Variants in SUFU observed in about 807,000 individuals in gnomAD.
SUFU encodes suppressor of fused homolog.
In SUFU, 7 loss-of-function variants were observed where a neutral mutation model predicts 58.9. That is an observed-to-expected ratio of 0.12 (90% CI 0.07 to 0.22). SUFU has a LOEUF of 0.22. Ranked by LOEUF, SUFU falls within the 10% of genes least tolerant of loss-of-function variation. SUFU has a pLI of 1.00. For synonymous variants in SUFU, 232 were observed against 254.8 expected, an observed-to-expected ratio of 0.91 and a Z score of 0.85; for missense variants, 451 against 641.3, an observed-to-expected ratio of 0.70 and a Z score of 3.20.
rs760281725 is a variant in SUFU at position 102,617,497 on chromosome 10, C to T, written c.1296+69C>T. On this transcript the variant is annotated intron_variant, in intron 10 of 11. Coordinates refer to ENST00000369902, the MANE Select transcript of SUFU (RefSeq NM_016169.4). The surrounding 1 kb of genome is among the most constrained non-coding windows in gnomAD (Gnocchi z 4.4). Reference sequence around the variant, plus strand: ...TCCTTGCCCACCCCTCCTCTTCTCCCTTGGCAGCTCTTGATGGCACCCCTT... The same window carrying T: ...TCCTTGCCCACCCCTCCTCTTCTCCTTTGGCAGCTCTTGATGGCACCCCTT... 1.9e-6 allele frequency: 3 copies of T among 1,606,856 alleles called. No individual in the cohort carries two copies. Among genetic ancestry groups the T allele is most frequent in the African/African-American group, 2.7e-5 (2 of 74,670 alleles).
chr10:102,606,896 G>A (rs1180737872), intron 8 of SUFU, among the ~76,000 whole-genome samples: 1 of 152,164 alleles, frequency 6.6e-6, no homozygotes, highest in Non-Finnish European at 1.5e-5. Flanking sequence ...ATGGGAGAGT[G>A]ATCCCAGATG....
chr10:102,565,935 G>T (rs2063084738), intron 3 of SUFU, among the ~76,000 whole-genome samples: 1 of 152,214 alleles, frequency 6.6e-6, no homozygotes, highest in Non-Finnish European at 1.5e-5. Flanking sequence ...AGTTTTAATT[G>T]GTTGGCTCTT....
intron 2 of SUFU, among the ~76,000 whole-genome samples, chr10:102,533,783 G>A (rs1398527928): frequency 1.3e-5 from 2 of 152,236 alleles, no homozygotes; most frequent in African/African-American, 4.8e-5. Context: ...GTAATTCACT[G>A]TAAGATCATC....
chr10:102,549,762 G>A (rs1304472763), intron 2 of SUFU, among the ~76,000 whole-genome samples: 3 of 152,102 alleles, frequency 2.0e-5, no homozygotes, highest in Non-Finnish European at 2.9e-5. Flanking sequence ...CCACATACCC[G>A]CAGCTGGCAG....
intron 11 of SUFU, 132 bp downstream of exon 11, chr10:102,627,375 G>A: frequency 1.1e-6 from 1 of 888,736 alleles, no homozygotes; most frequent in Non-Finnish European, 1.9e-6. Flanking sequence ...TATCTGTGTG[G>A]CTGCATCTGT....
Position 102,630,269 on chromosome 10 carries a change from A to C in SUFU, c.*114A>C. 2.1e-6 allele frequency: 2 copies of C among 969,318 alleles called. No homozygotes were observed. The highest frequency in any genetic ancestry group is 3.2e-6 in the Non-Finnish European group (2 of 620,170). The allele number at this position is 969,318 out of a possible 1,614,324, so 60.0% of individuals were successfully genotyped here. A position where few individuals can be genotyped will look rare whatever the true frequency, so the allele number is the denominator to read the frequency against. ...AAATAAAAGGACAAGTGTGAGGAAG[A>C]CTGCGCAGTGCCACCCCGCAGCCCA... On this transcript the variant is annotated 3_prime_UTR_variant, in exon 12 of 12. Coordinates refer to ENST00000369902, the MANE Select transcript of SUFU (RefSeq NM_016169.4).
chr10:102,531,197 G>A (rs2062674238), intron 2 of SUFU, among the ~76,000 whole-genome samples: 1 of 152,122 alleles, frequency 6.6e-6, no homozygotes, highest in Admixed American at 6.5e-5. Flanking sequence ...TGAGGCAGCA[G>A]TGAGTCACGA....
Position 102,632,348 on chromosome 10 carries a change from ATGAAGCCTG to A in SUFU, c.*2196_*2204del, listed in dbSNP as rs1156962056. The A allele has an allele frequency of 4.3e-6, 1 of 233,166 alleles. No individual in the cohort carries two copies. The highest frequency in any genetic ancestry group is 8.5e-6 in the Non-Finnish European group (1 of 118,112). The allele number at this position is 233,166 out of a possible 1,614,324, so 14.4% of individuals were successfully genotyped here. A position where few individuals can be genotyped will look rare whatever the true frequency, so the allele number is the denominator to read the frequency against. On this transcript the variant is annotated 3_prime_UTR_variant, in exon 12 of 12. Transcript: ENST00000369902. ...GGGTGAGCTCCGAGATGATGAGCAC[ATGAAGCCTG>A]TGGCCCCTTCGTACCTGCAATATGT...
chr10:102,589,697 C>T (rs960924211), intron 3 of SUFU, among the ~76,000 whole-genome samples: 8 of 152,098 alleles, frequency 5.3e-5, no homozygotes, highest in East Asian at 3.9e-4. Context: ...CCACCTGCCT[C>T]GACCTCCCAA....
intron 3 of SUFU, among the ~76,000 whole-genome samples, chr10:102,571,776 T>A (rs1278574610): frequency 2.6e-5 from 4 of 152,238 alleles, no homozygotes; most frequent in African/African-American, 4.8e-5. Flanking sequence ...CTCTAGGTCC[T>A]CTGGCCAGGG....
At chr10:102,524,370 G>C (rs2062586509) in intron 2 of SUFU, among the ~76,000 whole-genome samples, 1 of 144,614 alleles carries the variant, frequency 6.9e-6, no homozygotes, top group Admixed American at 7.2e-5. Flanking sequence ...CTGTTGCCCA[G>C]GCTGGAGTGC....
At chr10:102,566,867 C>T (rs562133797) in intron 3 of SUFU, among the ~76,000 whole-genome samples, 1 of 149,056 alleles carries the variant, frequency 6.7e-6, no homozygotes, top group South Asian at 2.2e-4. Context: ...ATCACTTGAA[C>T]CCGGAAGGCG....
chr10:102,576,884 A>T (rs1564689570), intron 3 of SUFU, among the ~76,000 whole-genome samples: 1 of 151,392 alleles, frequency 6.6e-6, no homozygotes, highest in African/African-American at 2.4e-5. Flanking sequence ...TAATTTTTAA[A>T]TTTTTTTGTA....
rs757658441 is a variant in SUFU at position 102,505,161 on chromosome 10, C to T, written c.182+827C>T. The stretch of plus-strand genomic sequence containing the variant: ...GGGACCCCAGCAGGGAGGAATTGTG[C>T]AGTGGGACATTAAGAGGAGCTTCTC... On this transcript the variant is annotated intron_variant, in intron 1 of 11. Coordinates refer to ENST00000369902, the MANE Select transcript of SUFU (RefSeq NM_016169.4). Among the ~76,000 whole-genome samples the T allele has an allele frequency of 2.4e-4, 37 of 152,142 alleles. 1 individual carries two copies. The highest frequency in any genetic ancestry group is 3.5e-4 in the Non-Finnish European group (24 of 68,038).
intron 2 of SUFU, among the ~76,000 whole-genome samples, chr10:102,519,000 G>C (rs1589984803): frequency 6.6e-6 from 1 of 151,758 alleles, no homozygotes; most frequent in African/African-American, 2.4e-5. Context: ...AATTAGCCAG[G>C]CGTGGTGGCA....
intron 3 of SUFU, among the ~76,000 whole-genome samples, chr10:102,570,685 A>C (rs1294490423): frequency 6.6e-6 from 1 of 152,062 alleles, no homozygotes; most frequent in Non-Finnish European, 1.5e-5. Flanking sequence ...ACTTCTGAGA[A>C]CATCCATAAG....
intron 8 of SUFU, 96 bp from the exon 9 acceptor site, chr10:102,615,172 G>A: frequency 6.4e-7 from 1 of 1,556,764 alleles, no homozygotes; most frequent in Non-Finnish European, 8.8e-7. Context: ...CACCATTATT[G>A]TCTTTATTAC....
At chr10:102,503,919 G>A, upstream of SUFU, 2 of 510,592 alleles carry the variant, frequency 3.9e-6, no homozygotes, top group Non-Finnish European at 3.4e-6. Flanking sequence ...TGGATAGGGT[G>A]CGCCGGCGCC....
At chr10:102,620,357 G>A (rs912751584) in intron 10 of SUFU, among the ~76,000 whole-genome samples, 3 of 152,168 alleles carry the variant, frequency 2.0e-5, no homozygotes, top group Admixed American at 2.0e-4. Context: ...GCCCCTTTCC[G>A]GAGCCTGTGG....
Sources: allele counts gnomAD v4.1 joint callset (sites outside exome capture counted in the v4.1 genomes callset), GRCh38; gene constraint gnomAD v4.1.1; non-coding constraint Gnocchi (gnomAD v3.1); transcripts MANE v1.5; gene names NCBI Gene and HGNC (gene_info 2026-07-23, HGNC 2026-07-21).